RANBP2: variants seen among roughly 807,000 people sequenced by gnomAD.
The protein encoded by RANBP2 is E3 SUMO-protein ligase RanBP2.
Under a neutral mutation model 303.6 loss-of-function variants are expected in RANBP2, and 57 were observed. That is an observed-to-expected ratio of 0.19 (90% CI 0.15 to 0.23). RANBP2 has a LOEUF of 0.23. Ranked by LOEUF, RANBP2 falls within the 10% of genes least tolerant of loss-of-function variation. RANBP2 has a pLI of 1.00. For synonymous variants in RANBP2, 1,167 were observed against 1,301.5 expected, an observed-to-expected ratio of 0.90 and a Z score of 2.23; for missense variants, 3,138 against 3,780.8, an observed-to-expected ratio of 0.83 and a Z score of 4.46.
At chr2:109,364,946 C>CT in the RANBP2 span, among the ~76,000 whole-genome samples, 8 of 152,124 alleles carry the variant, frequency 5.3e-5, no homozygotes, top group Admixed American at 5.2e-4. Flanking sequence ...CAAAAATTAA[C>CT]TGGGTGTAGT....
the RANBP2 span, among the ~76,000 whole-genome samples, chr2:109,102,523 C>T: frequency 6.6e-6 from 1 of 152,086 alleles, no homozygotes; most frequent in Non-Finnish European, 1.5e-5. Context: ...TTCTCTTTAA[C>T]CTTTAATCTC....
the RANBP2 span, among the ~76,000 whole-genome samples, chr2:109,104,490 C>CT: frequency 0.22 from 32,345 of 144,672 alleles, 5,038 homozygotes; most frequent in East Asian, 0.68. Flanking sequence ...TTTTATGTTT[C>CT]TTTTTTTTTT....
the RANBP2 span, among the ~76,000 whole-genome samples, chr2:109,165,174 A>G: frequency 6.9e-6 from 1 of 144,732 alleles, no homozygotes; most frequent in Non-Finnish European, 1.5e-5. Context: ...CCTAAGCCAC[A>G]TTAAATCATC....
the RANBP2 span, among the ~76,000 whole-genome samples, chr2:109,175,363 G>A: frequency 2.0e-5 from 3 of 152,204 alleles, no homozygotes; most frequent in Non-Finnish European, 4.4e-5. Flanking sequence ...ACAAAGGTTA[G>A]CTCATTGAAA....
the RANBP2 span, among the ~76,000 whole-genome samples, chr2:109,350,026 G>T: frequency 2.6e-5 from 4 of 152,234 alleles, no homozygotes; most frequent in Admixed American, 2.0e-4. Context: ...CAGAAGACAG[G>T]CCAGAGGCTC....
the RANBP2 span, among the ~76,000 whole-genome samples, chr2:109,380,996 A>G: frequency 3.3e-5 from 5 of 152,226 alleles, no homozygotes; most frequent in African/African-American, 1.2e-4. Context: ...TTTGGTAACT[A>G]AAATGGACTA....
At chr2:109,059,923 G>T in the RANBP2 span, among the ~76,000 whole-genome samples, 1 of 152,002 alleles carries the variant, frequency 6.6e-6, no homozygotes, top group Non-Finnish European at 1.5e-5. Context: ...GAGTGTGGTT[G>T]TCGTATCCTA....
the RANBP2 span, among the ~76,000 whole-genome samples, chr2:109,402,497 G>A: frequency 0.11 from 16,846 of 152,258 alleles, 1,082 homozygotes; most frequent in East Asian, 0.24. Flanking sequence ...CGTGGGAAAC[G>A]TGGAGTGGAC....
chr2:109,192,230 C>T, the RANBP2 span, among the ~76,000 whole-genome samples: 1 of 152,176 alleles, frequency 6.6e-6, no homozygotes, highest in Non-Finnish European at 1.5e-5. Context: ...CTGTCTGTAT[C>T]TAAGCAGGGA....
chr2:109,182,425 G>A, the RANBP2 span, among the ~76,000 whole-genome samples: 5 of 152,174 alleles, frequency 3.3e-5, no homozygotes, highest in Non-Finnish European at 4.4e-5. Context: ...CTCTGCATTA[G>A]GGATCAAATT....
chr2:109,279,950 G>A, the RANBP2 span, among the ~76,000 whole-genome samples: 3 of 151,984 alleles, frequency 2.0e-5, no homozygotes, highest in Admixed American at 6.6e-5. Context: ...AGGGTGAGGG[G>A]TGAGAGGGCC....
At chr2:108,803,944 A>G in the RANBP2 span, among the ~76,000 whole-genome samples, 1 of 152,232 alleles carries the variant, frequency 6.6e-6, no homozygotes, top group Non-Finnish European at 1.5e-5. Flanking sequence ...ATTTGTGACT[A>G]TATCCTAAGT....
At chr2:109,483,990 C>T in the RANBP2 span, among the ~76,000 whole-genome samples, 1 of 152,076 alleles carries the variant, frequency 6.6e-6, no homozygotes, top group African/African-American at 2.4e-5. Context: ...TCCTTGGATG[C>T]TCCCAGCGTC....
chr2:109,638,375 A>G, the RANBP2 span, among the ~76,000 whole-genome samples: 1 of 152,186 alleles, frequency 6.6e-6, no homozygotes, highest in Admixed American at 6.5e-5. Context: ...TACTCCCCGA[A>G]ACTTTCATTT....
the RANBP2 span, among the ~76,000 whole-genome samples, chr2:109,143,388 A>G: frequency 1.3e-5 from 2 of 152,318 alleles, no homozygotes; most frequent in Admixed American, 6.5e-5. Flanking sequence ...TCATTTCAGC[A>G]TTATTCACAG....
At chr2:109,514,774 C>T in the RANBP2 span, among the ~76,000 whole-genome samples, 1 of 152,160 alleles carries the variant, frequency 6.6e-6, no homozygotes, top group Admixed American at 6.5e-5. Context: ...GTTCGAGGTC[C>T]ACAGCTTGAC....
At chr2:109,072,362 G>A in the RANBP2 span, among the ~76,000 whole-genome samples, 1 of 152,184 alleles carries the variant, frequency 6.6e-6, no homozygotes, top group East Asian at 1.9e-4. Flanking sequence ...GCTGGCCAGA[G>A]GATGCACTCA....
the RANBP2 span, chr2:108,846,817 ATTCTCCACAGCATTC>A: frequency 6.2e-7 from 1 of 1,612,896 alleles, no homozygotes; most frequent in Non-Finnish European, 8.5e-7. Context: ...ATTCAGGATA[ATTCTCCACAGCATTC>A]TGTGGAGAAT....
the RANBP2 span, among the ~76,000 whole-genome samples, chr2:109,099,682 G>T: frequency 1.3e-5 from 2 of 152,082 alleles, no homozygotes; most frequent in African/African-American, 4.8e-5. Flanking sequence ...GGAGGTGAGG[G>T]GTGGGGAGTG....
Sources: gnomAD v4.1 joint callset for allele counts (sites outside exome capture counted in the v4.1 genomes callset) on GRCh38, gnomAD v4.1.1 for gene constraint, MANE v1.5 for transcripts, NCBI Gene and HGNC (gene_info 2026-07-23, HGNC 2026-07-21) for gene names.